The following CCDC18 variants were observed in gnomAD, a reference collection of about 807,000 sequenced individuals.
CCDC18 encodes the protein coiled-coil domain containing 18.
In CCDC18, 157 loss-of-function variants were observed where a neutral mutation model predicts 196.0. The ratio of observed to expected loss-of-function variants is 0.80; its 90% confidence interval spans 0.70 to 0.91. CCDC18 has a LOEUF of 0.91. Among genes scored for constraint, CCDC18 ranks in the 40% least tolerant of loss-of-function variants. The pLI, the probability that CCDC18 is intolerant of heterozygous loss-of-function variation, is 0.00. For missense variants in CCDC18, 1,465 were observed against 1,611.6 expected (o/e 0.91, Z 1.56); for synonymous variants, 482 against 529.2 (o/e 0.91, Z 1.22).
chr1:93,221,969 TCC>T, intron 16 of CCDC18, 33 bp downstream of exon 16: 1 of 1,392,528 alleles, frequency 7.2e-7, no homozygotes, highest in Non-Finnish European at 9.8e-7. Flanking sequence ...TTTCTTTCTT[TCC>T]TTTTTTTTTT....
intron 19 of CCDC18, 64 bp from the exon 20 acceptor site, chr1:93,239,246 A>T: frequency 8.2e-7 from 1 of 1,213,120 alleles, no homozygotes; most frequent in Non-Finnish European, 1.1e-6. Flanking sequence ...CTTTTTTTTT[A>T]GTCAGAGACA....
rs535533705 is a variant in CCDC18, at chr1:93,206,870, G to A, written c.918-237G>A. The stretch of plus-strand genomic sequence containing the variant: ...CCTACCATTTACTGTGAGACACTAG[G>A]AAAGTTATATAACCTTTTTGTGCCT... On this transcript the variant is annotated intron_variant, in intron 8 of 28. Transcript: ENST00000690025. Among the ~76,000 whole-genome samples, 203 of 152,170 alleles carry A rather than the reference G, an allele frequency of 1.3e-3. 1 individual carries two copies. In the Middle Eastern group the frequency reaches 0.017, roughly 13 times the overall value.
chr1:93,254,755 TGTTA>T (rs1173427370), intron 24 of CCDC18, 141 bp downstream of exon 24: 2 of 783,628 alleles, frequency 2.6e-6, no homozygotes, highest in East Asian at 2.5e-5. Context: ...GCCAGAAACC[TGTTA>T]GTTTCTTTGA....
chr1:93,189,166 G>C (rs1651278968), intron 4 of CCDC18, among the ~76,000 whole-genome samples: 1 of 151,878 alleles, frequency 6.6e-6, no homozygotes, highest in African/African-American at 2.4e-5. Context: ...TTTACTCTCT[G>C]TGTCCATGAG....
At chr1:93,220,400 G>GA (rs1168814801) in intron 14 of CCDC18, among the ~76,000 whole-genome samples, 3 of 151,678 alleles carry the variant, frequency 2.0e-5, no homozygotes, top group Admixed American at 6.6e-5. Context: ...GTTCCTCATG[G>GA]AAAAAAAATA....
intron 9 of CCDC18, among the ~76,000 whole-genome samples, chr1:93,208,282 A>C (rs1655026730): frequency 6.6e-6 from 1 of 150,782 alleles, no homozygotes; most frequent in Non-Finnish European, 1.5e-5. Context: ...TTTTATTATA[A>C]CCATCTTAGT....
chr1:93,243,201 C>T (rs1661052109), intron 21 of CCDC18, among the ~76,000 whole-genome samples: 1 of 152,220 alleles, frequency 6.6e-6, no homozygotes, highest in Admixed American at 6.5e-5. Flanking sequence ...AGAACCAGGC[C>T]TTTCCATATA....
At position 93,214,984 on chromosome 1, in the gene CCDC18, T is replaced by G. The variant is rs1254838373; in HGVS notation, c.1719+18T>G. 1.3e-6 allele frequency: 2 copies of G among 1,501,302 alleles called. No individual in the cohort carries two copies. The highest frequency in any genetic ancestry group is 1.8e-6 in the Non-Finnish European group (2 of 1,096,282). The allele number at this position is 1,501,302 out of a possible 1,614,324, so 93.0% of individuals were successfully genotyped here. A position where few individuals can be genotyped will look rare whatever the true frequency, so the allele number is the denominator to read the frequency against. Reference sequence around the variant, plus strand: ...AAAGTGAAGTAAGCTTGGAATTAGCTTGGTATATATGTTAATTTTTGAACT... The same window carrying G: ...AAAGTGAAGTAAGCTTGGAATTAGCGTGGTATATATGTTAATTTTTGAACT... On this transcript the variant is annotated intron_variant, in intron 12 of 28. Coordinates refer to ENST00000690025, the MANE Select transcript of CCDC18 (RefSeq NM_001378204.1).
intron 12 of CCDC18, among the ~76,000 whole-genome samples, chr1:93,216,112 T>C (rs1042440863): frequency 1.3e-5 from 2 of 152,228 alleles, no homozygotes. Flanking sequence ...AGATGGAGAT[T>C]TAGACAGTTT....
rs370389215 is a variant in CCDC18 at position 93,221,769 on chromosome 1, AT to A, written c.2097+29del. ...GTAAAATCATCCTTATAAAAGTGCTATTTAGAAGTTGACTAATATTTTATGT... is the reference window on the plus strand; with the variant it reads ...GTAAAATCATCCTTATAAAAGTGCTATTAGAAGTTGACTAATATTTTATGT... On this transcript the variant is annotated intron_variant, in intron 15 of 28. Coordinates refer to ENST00000690025, the MANE Select transcript of CCDC18 (RefSeq NM_001378204.1). The A allele has an allele frequency of 4.6e-4, 741 of 1,596,940 alleles. 10 individuals carry two copies. In the East Asian group the frequency reaches 0.014, roughly 30 times the overall value.
intron 12 of CCDC18, 104 bp from the exon 13 acceptor site, chr1:93,216,532 A>G (rs536407254): frequency 5.5e-4 from 301 of 545,738 alleles, no homozygotes; most frequent in South Asian, 1.0e-3. Context: ...ATTTACCTAG[A>G]CACAATGTAT....
rs1399580695 is a variant in CCDC18 at position 93,216,660 on chromosome 1, T to A, written c.1744T>A (p.Leu582Ile). The A allele has an allele frequency of 6.4e-7, 1 of 1,569,184 alleles. No homozygotes were observed. Among genetic ancestry groups the A allele is most frequent in the African/African-American group, 1.4e-5 (1 of 72,346 alleles). The change falls in exon 13 of 29, where the codon TTA becomes ATA. Residue 582 changes from leucine to isoleucine, a missense_variant. Coordinates refer to ENST00000690025, the MANE Select transcript of CCDC18 (RefSeq NM_001378204.1). ...GATGACAAAGAAATGTTCTCAACTT[T>A]TAACTCTTGAGAAACAGCTGGAAGA... Reference protein sequence around the residue: ...SEMTKKCSQLLTLEKQLEEKI... With the variant: ...SEMTKKCSQLITLEKQLEEKI...
rs1290007854 is a variant in CCDC18, at chr1:93,246,110, G to A, written c.2987G>A (p.Cys996Tyr). 1 of 1,595,468 alleles carries A rather than the reference G, an allele frequency of 6.3e-7. No homozygotes were observed. The highest frequency in any genetic ancestry group is 2.3e-5 in the East Asian group (1 of 44,122). ...TTTCCTTTGATAAATTGTAGAGAAT[G>A]CAAGATGGAGATTGAAGACAAAAAG... ...IKDLTAELRECKMEIEDKKQE... is the reference protein window; with the variant it reads ...IKDLTAELREYKMEIEDKKQE... Residue 996 changes from cysteine to tyrosine, a missense_variant, in exon 22 of 29, where the codon TGC (cysteine) becomes TAC (tyrosine). Coordinates refer to ENST00000690025, the MANE Select transcript of CCDC18 (RefSeq NM_001378204.1).
At chr1:93,251,689 C>T (rs1662273447) in intron 23 of CCDC18, among the ~76,000 whole-genome samples, 2 of 152,026 alleles carry the variant, frequency 1.3e-5, no homozygotes, top group South Asian at 4.1e-4. Flanking sequence ...TTTTCTCTCA[C>T]TGCTTTCAGG....
In CCDC18 at chr1:93,193,830, T is replaced by G; in HGVS notation, c.698+86T>G. The G allele has an allele frequency of 2.8e-6, 3 of 1,081,290 alleles. No homozygotes were observed. The South Asian group carries it at 5.8e-5, about 21-fold the overall frequency. 67.0% of individuals were successfully genotyped at this position (1,081,290 alleles called of 1,614,324 possible). A position where few individuals can be genotyped will look rare whatever the true frequency, so the allele number is the denominator to read the frequency against. ...TTAAAATTCTAGTTAATTTTTGAAGTGAAAAAATTTCAGAGATTTGGCAAT... is the reference window on the plus strand; with the variant it reads ...TTAAAATTCTAGTTAATTTTTGAAGGGAAAAAATTTCAGAGATTTGGCAAT... On this transcript the variant is annotated intron_variant, in intron 6 of 28. Coordinates refer to ENST00000690025, the MANE Select transcript of CCDC18 (RefSeq NM_001378204.1).
At chr1:93,250,738 T>C (rs1047432888) in intron 23 of CCDC18, among the ~76,000 whole-genome samples, 2 of 152,164 alleles carry the variant, frequency 1.3e-5, no homozygotes, top group South Asian at 4.1e-4. Context: ...CTCTTTCTAC[T>C]GTCTTTGATC....
upstream of CCDC18, chr1:93,180,461 C>T (rs911464388): frequency 3.5e-6 from 5 of 1,424,142 alleles, no homozygotes; most frequent in Non-Finnish European, 4.8e-6. Flanking sequence ...TCCGCAACCG[C>T]CTCAGTCTCG....
rs975741996 is a variant in CCDC18 at position 93,264,737 on chromosome 1, A to C, written c.3721A>C (p.Ile1241Leu). 2.5e-6 allele frequency: 4 copies of C among 1,613,180 alleles called. No homozygotes were observed. Among genetic ancestry groups the C allele is most frequent in the Admixed American group, 1.7e-5 (1 of 59,976 alleles). ...SHQENHAKWK[I>L]SADSQKSSVQ... ...TCAAGAGAACCATGCAAAGTGGAAG[A>C]TTTCTGCTGACTCTCAAAAGTCTTC... is the stretch of plus-strand genomic sequence containing the variant. The change falls in exon 27 of 29, where the codon ATT (isoleucine) becomes CTT (leucine). Residue 1241 changes from isoleucine to leucine, a missense_variant. Coordinates refer to ENST00000690025, the MANE Select transcript of CCDC18 (RefSeq NM_001378204.1).
At chr1:93,192,679 C>G (rs1269677288) in intron 5 of CCDC18, among the ~76,000 whole-genome samples, 1 of 152,240 alleles carries the variant, frequency 6.6e-6, no homozygotes, top group African/African-American at 2.4e-5. Context: ...CTCAAGCAGT[C>G]GTCCTGCCTC....
Sources: gnomAD v4.1 joint callset for allele counts (sites outside exome capture counted in the v4.1 genomes callset) on GRCh38, gnomAD v4.1.1 for gene constraint, MANE v1.5 for transcripts, NCBI Gene and HGNC (gene_info 2026-07-23, HGNC 2026-07-21) for gene names.